FRMD5: variants seen among roughly 807,000 people sequenced by gnomAD.
FRMD5 encodes FERM domain containing 5.
FRMD5 carries 20 observed loss-of-function variants against 69.0 expected under a neutral mutation model. The observed-to-expected ratio is 0.29, with a 90% confidence interval of 0.20 to 0.42. The LOEUF is 0.42. Among genes scored for constraint, FRMD5 ranks in the 10% least tolerant of loss-of-function variants. The pLI is 1.00. For missense variants in FRMD5, 595 were observed against 708.6 expected, an observed-to-expected ratio of 0.84 and a Z score of 1.82; for synonymous variants, 271 against 260.1, an observed-to-expected ratio of 1.04 and a Z score of -0.40.
intron 1 of FRMD5, among the ~76,000 whole-genome samples, chr15:43,981,000 C>T (rs2090539910): frequency 6.6e-6 from 1 of 152,168 alleles, no homozygotes; most frequent in Non-Finnish European, 1.5e-5. Flanking sequence ...GTCAATTTAA[C>T]ACAGACACAC....
intron 1 of FRMD5, chr15:43,989,066 A>G (rs1889537670): frequency 1.1e-6 from 1 of 891,120 alleles, no homozygotes; most frequent in Non-Finnish European, 1.9e-6. Flanking sequence ...TCCGCCTAGA[A>G]GCATCTGCGG....
Position 44,180,590 on chromosome 15 carries a change from A to G in FRMD5, c.102+14363T>C, listed in dbSNP as rs147144250. On this transcript the variant is annotated intron_variant, in intron 1 of 13. Transcript: ENST00000417257. ...ACTTGAGGTCAGGAGTTCGAGACCA[A>G]CCTGGCCAACATGGTGAAACCCTGT... 3.9e-3 allele frequency among the ~76,000 whole-genome samples: 600 copies of G among 152,164 alleles called. 5 individuals are homozygous for G. Among genetic ancestry groups the G allele is most frequent in the African/African-American group, 0.014 (561 of 41,546 alleles).
chr15:44,027,825 T>C (rs1183156849), intron 1 of FRMD5, among the ~76,000 whole-genome samples: 2 of 152,032 alleles, frequency 1.3e-5, no homozygotes, highest in Non-Finnish European at 2.9e-5. Flanking sequence ...TTCATATTTT[T>C]AGTAGGGACA....
chr15:43,994,933 G>A (rs1386009979), intron 1 of FRMD5, among the ~76,000 whole-genome samples: 5 of 152,222 alleles, frequency 3.3e-5, no homozygotes, highest in South Asian at 4.1e-4. Flanking sequence ...CAAGTTTGGT[G>A]GTGATGAACT....
At chr15:43,921,223 G>A (rs1178587203) in intron 2 of FRMD5, among the ~76,000 whole-genome samples, 1 of 152,180 alleles carries the variant, frequency 6.6e-6, no homozygotes, top group Non-Finnish European at 1.5e-5. Flanking sequence ...TCTGTTCAGA[G>A]CACACTGGAA....
chr15:43,938,683 T>C (rs946240690), intron 1 of FRMD5, among the ~76,000 whole-genome samples: 1 of 152,124 alleles, frequency 6.6e-6, no homozygotes, highest in Non-Finnish European at 1.5e-5. Flanking sequence ...TTGAAAACAG[T>C]ATAGAGGCTG....
intron 1 of FRMD5, among the ~76,000 whole-genome samples, chr15:43,951,701 A>T (rs2090031931): frequency 6.6e-6 from 1 of 152,214 alleles, no homozygotes; most frequent in Non-Finnish European, 1.5e-5. Flanking sequence ...TTTGAGCCTT[A>T]AACTGCTGTA....
chr15:43,987,124 C>T (rs1889432369), intron 1 of FRMD5, among the ~76,000 whole-genome samples: 1 of 152,148 alleles, frequency 6.6e-6, no homozygotes, highest in African/African-American at 2.4e-5. Context: ...CCTATTCCCC[C>T]AGACACCACA....
intron 1 of FRMD5, among the ~76,000 whole-genome samples, chr15:44,108,965 AAAAATAAAATAAAATAAAATAAAAT>A (rs3986153): frequency 2.2e-5 from 3 of 136,862 alleles, no homozygotes; most frequent in South Asian, 2.5e-4. Context: ...CTCTCTAAAT[AAAAATAAAATAAAATAAAATAAAAT>A]AAAATAAAAT....
chr15:44,080,979 T>C (rs1397837488), intron 1 of FRMD5, among the ~76,000 whole-genome samples: 1 of 152,056 alleles, frequency 6.6e-6, no homozygotes, highest in Non-Finnish European at 1.5e-5. Flanking sequence ...ATTCAATAAA[T>C]AATACAAATG....
intron 1 of FRMD5, among the ~76,000 whole-genome samples, chr15:44,148,745 C>T (rs2077397866): frequency 6.6e-6 from 1 of 152,154 alleles, no homozygotes; most frequent in Non-Finnish European, 1.5e-5. Flanking sequence ...ACTTAGTAAA[C>T]TATAGTATAG....
intron 10 of FRMD5, 79 bp downstream of exon 10, chr15:43,888,096 G>C: frequency 1.8e-6 from 2 of 1,107,406 alleles, no homozygotes; most frequent in South Asian, 2.7e-5. Flanking sequence ...CCAAGTTCCT[G>C]GGCACTTGGC....
In FRMD5 at chr15:44,148,353, G is replaced by A. The variant is rs923154423; in HGVS notation, c.102+46600C>T. 4.5e-4 allele frequency among the ~76,000 whole-genome samples: 68 copies of A among 151,820 alleles called. 1 individual carries two copies. Among genetic ancestry groups the A allele is most frequent in the Admixed American group, 2.0e-4 (3 of 15,240 alleles). On this transcript the variant is annotated intron_variant, in intron 1 of 13. Transcript: ENST00000417257. ...GGGGCGCAATCTAGGCTCACTGCAAGCTCTGCCTCCCGGGTTCACGCCATT... is the reference window on the plus strand; with the variant it reads ...GGGGCGCAATCTAGGCTCACTGCAAACTCTGCCTCCCGGGTTCACGCCATT...
intron 1 of FRMD5, among the ~76,000 whole-genome samples, chr15:44,099,024 T>C (rs1049906907): frequency 2.0e-5 from 3 of 152,206 alleles, no homozygotes; most frequent in Non-Finnish European, 4.4e-5. Flanking sequence ...TTCAGTTTCC[T>C]AGGTTAAGGG....
intron 1 of FRMD5, among the ~76,000 whole-genome samples, chr15:44,090,705 G>A (rs1001149429): frequency 3.3e-5 from 5 of 152,280 alleles, no homozygotes; most frequent in Admixed American, 2.6e-4. Context: ...CTCCCAAAGT[G>A]CTGGGATTAT....
At chr15:43,876,517 AT>A (rs1462791274) in intron 13 of FRMD5, among the ~76,000 whole-genome samples, 1 of 152,160 alleles carries the variant, frequency 6.6e-6, no homozygotes, top group Non-Finnish European at 1.5e-5. Flanking sequence ...TAACTATAAA[AT>A]TTTTAATAAA....
At position 44,022,579 on chromosome 15, in the gene FRMD5, C is replaced by T. The variant is rs552506153; in HGVS notation, c.103-98270G>A. 1.7e-4 allele frequency among the ~76,000 whole-genome samples: 12 copies of T among 72,596 alleles called. No homozygotes were observed. In the South Asian group the frequency reaches 8.0e-3, roughly 48 times the overall value. 47.6% of individuals were successfully genotyped at this position (72,596 alleles called of 152,430 possible). On this transcript the variant is annotated intron_variant, in intron 1 of 13. Transcript: ENST00000417257. ...ACAGAGCAAGACTCTGTCCCCACTC[C>T]ACCAGAAAAAAAAAAAAAAAAAAAA... is the stretch of plus-strand genomic sequence containing the variant.
chr15:43,983,521 C>T (rs932255774), intron 1 of FRMD5, among the ~76,000 whole-genome samples: 14 of 152,202 alleles, frequency 9.2e-5, no homozygotes, highest in Admixed American at 5.9e-4. Flanking sequence ...AGTCTGTTAT[C>T]GCCAGCAAGA....
intron 1 of FRMD5, among the ~76,000 whole-genome samples, chr15:43,939,217 C>T (rs1166296484): frequency 6.6e-6 from 1 of 152,134 alleles, no homozygotes; most frequent in Non-Finnish European, 1.5e-5. Context: ...TTTCTATATC[C>T]TGGAGATTAA....
Sources: gnomAD v4.1 joint callset for allele counts (sites outside exome capture counted in the v4.1 genomes callset) on GRCh38, gnomAD v4.1.1 for gene constraint, MANE v1.5 for transcripts, NCBI Gene and HGNC (gene_info 2026-07-23, HGNC 2026-07-21) for gene names.